TRMT11: variants seen among roughly 807,000 people sequenced by gnomAD.
The protein encoded by TRMT11 is tRNA (guanine(10)-N(2))-methyltransferase TRMT11.
TRMT11 carries 53 observed loss-of-function variants against 62.8 expected under a neutral mutation model. The ratio of observed to expected loss-of-function variants is 0.84; its 90% CI spans 0.68 to 1.06. The LOEUF (loss-of-function observed/expected upper bound fraction) is 1.06, where lower values mean the gene tolerates loss of function less well. Among genes scored for constraint, TRMT11 ranks in the 50% least tolerant of loss-of-function variants. The pLI, the probability that TRMT11 is intolerant of heterozygous loss-of-function variation, is 0.00. For missense variants in TRMT11, 556 were observed against 553.4 expected (o/e 1.00, Z -0.05); for synonymous variants, 188 against 190.3 (o/e 0.99, Z 0.10).
At chr6:126,012,882 T>C in intron 10 of TRMT11, 30 bp downstream of exon 10, 1 of 1,608,826 alleles carries the variant, frequency 6.2e-7, no homozygotes. Context: ...GATGTGTTAC[T>C]ACCTTGAGAA....
chr6:126,085,793 C>G (rs1371047933), intron 17 of TRMT11, among the ~76,000 whole-genome samples: 2 of 152,190 alleles, frequency 1.3e-5, no homozygotes, highest in Non-Finnish European at 2.9e-5. Flanking sequence ...TCCAAACACT[C>G]TGTACATCAG....
chr6:125,986,568 C>A lies in TRMT11; in HGVS notation c.18C>A (p.Thr6=), dbSNP rs941534503. The change falls in exon 1 of 13, where the codon ACC becomes ACA. Residue 6 remains threonine, a synonymous_variant. Coordinates refer to ENST00000334379, the MANE Select transcript of TRMT11 (RefSeq NM_001031712.3). MALSC[T]LNRYLLLMAQ... ...CAGCTGCAATGGCGCTGTCGTGTAC[C>A]CTTAACAGGTATCTGCTCCTCATGG... 6 of 1,592,236 alleles carry A rather than the reference C, an allele frequency of 3.8e-6. No homozygotes were observed. Among genetic ancestry groups the A allele is most frequent in the Non-Finnish European group, 5.1e-6 (6 of 1,171,626 alleles).
intron 17 of TRMT11, among the ~76,000 whole-genome samples, chr6:126,085,640 A>C (rs1244493798): frequency 6.6e-6 from 1 of 152,206 alleles, no homozygotes; most frequent in Non-Finnish European, 1.5e-5. Flanking sequence ...TTCAACAGTC[A>C]GTTGACATCC....
chr6:126,178,687 G>A (rs929570451), intron 1 of TRMT11, among the ~76,000 whole-genome samples: 1 of 152,144 alleles, frequency 6.6e-6, no homozygotes, highest in African/African-American at 2.4e-5. Context: ...TAGAAAAACT[G>A]AGAAAACCAG....
intron 21 of TRMT11, among the ~76,000 whole-genome samples, chr6:126,148,020 C>T (rs1777993824): frequency 6.6e-6 from 1 of 151,990 alleles, no homozygotes; most frequent in African/African-American, 2.4e-5. Flanking sequence ...ATGTTCTGCA[C>T]ATGTACCCCA....
At chr6:126,199,893 G>A (rs1345269653) in exon 3 of TRMT11, 3 of 152,212 alleles carry the variant, frequency 2.0e-5, no homozygotes, top group Non-Finnish European at 4.4e-5. Flanking sequence ...GATACACCTT[G>A]GAACCAGGTA....
chr6:126,139,460 C>T (rs758352723), intron 21 of TRMT11, among the ~76,000 whole-genome samples: 17 of 152,064 alleles, frequency 1.1e-4, no homozygotes, highest in African/African-American at 2.2e-4. Flanking sequence ...TCTCTGCCTC[C>T]TGGGTTCAAG....
At chr6:126,233,013 C>G in the TRMT11 span, among the ~76,000 whole-genome samples, 1 of 151,960 alleles carries the variant, frequency 6.6e-6, no homozygotes, top group Non-Finnish European at 1.5e-5. Context: ...CTCTTCTTTC[C>G]TTTGTAATTG....
In TRMT11 at chr6:126,151,842, C is replaced by CTTTCTTTCTTTG. The variant is rs1554242243; in HGVS notation, c.*1824-22972_*1824-22971insGTTTCTTTCTTT. Among the ~76,000 whole-genome samples, 20 of 130,280 alleles carry CTTTCTTTCTTTG rather than the reference C, an allele frequency of 1.5e-4. No individual in the cohort carries two copies. In the East Asian group the frequency reaches 4.3e-3, roughly 28 times the overall value. 85.5% of individuals were successfully genotyped at this position (130,280 alleles called of 152,430 possible). On this transcript the variant is annotated intron_variant and NMD_transcript_variant, in intron 21 of 22. Coordinates refer to the TRMT11 transcript ENST00000648977. ...TCTTTCTTTCTTTCTTTCTTTCTTTCTTTCTTTCTTTCTTTCTTTCTTTCC... is the reference window on the plus strand; with the variant it reads ...TCTTTCTTTCTTTCTTTCTTTCTTTCTTTCTTTCTTTGTTTCTTTCTTTCTTTCTTTCTTTCC...
the TRMT11 span, among the ~76,000 whole-genome samples, chr6:126,245,884 G>A: frequency 6.6e-6 from 1 of 152,088 alleles, no homozygotes; most frequent in Non-Finnish European, 1.5e-5. Flanking sequence ...AATCACTTGA[G>A]CCTAGGAGTT....
chr6:126,124,074 C>G (rs576835465), intron 21 of TRMT11, among the ~76,000 whole-genome samples: 1 of 152,032 alleles, frequency 6.6e-6, no homozygotes, highest in African/African-American at 2.4e-5. Flanking sequence ...GATTGTGGCT[C>G]ATGCATTTTT....
chr6:126,021,166 TGAAG>T lies in TRMT11; in HGVS notation c.1147_1150del (p.Glu383ArgfsTer27). 1 of 1,614,100 alleles carries T rather than the reference TGAAG, an allele frequency of 6.2e-7. No homozygotes were observed. The highest frequency in any genetic ancestry group is 8.5e-7 in the Non-Finnish European group (1 of 1,179,968). On this transcript the variant is annotated frameshift_variant, in exon 12 of 13. Coordinates refer to ENST00000334379, the MANE Select transcript of TRMT11 (RefSeq NM_001031712.3). LOFTEE classifies it high-confidence loss of function. ...TCAGCTGTTCTTTCTTCAGATACAC[TGAAG>T]AGATGGTGCCTTGGCACCCTTGCCT...
At chr6:126,168,266 T>C (rs951666219) in intron 21 of TRMT11, among the ~76,000 whole-genome samples, 1 of 152,160 alleles carries the variant, frequency 6.6e-6, no homozygotes, top group Non-Finnish European at 1.5e-5. Flanking sequence ...CTTTATGGTT[T>C]CTCCAACAGT....
chr6:126,163,927 C>T lies in TRMT11; in HGVS notation c.*1824-10898C>T, dbSNP rs182002948. 5.9e-5 allele frequency among the ~76,000 whole-genome samples: 9 copies of T among 152,258 alleles called. No individual in the cohort carries two copies. In the East Asian group the frequency reaches 1.7e-3, roughly 29 times the overall value. ...TGTTAATCTTTTCAAAAAGCCTGCTCCTGGATTCATTGATTTTTCGAAGGG... is the reference window on the plus strand; with the variant it reads ...TGTTAATCTTTTCAAAAAGCCTGCTTCTGGATTCATTGATTTTTCGAAGGG... On this transcript the variant is annotated intron_variant and NMD_transcript_variant, in intron 21 of 22. Coordinates refer to the TRMT11 transcript ENST00000648977.
the TRMT11 span, among the ~76,000 whole-genome samples, chr6:126,212,789 C>T: frequency 6.6e-6 from 1 of 152,064 alleles, no homozygotes; most frequent in African/African-American, 2.4e-5. Context: ...CTGAGGTCAT[C>T]TCATTTGTCC....
At chr6:126,009,683 A>G (rs920164871) in intron 8 of TRMT11, among the ~76,000 whole-genome samples, 2 of 152,032 alleles carry the variant, frequency 1.3e-5, no homozygotes, top group Non-Finnish European at 2.9e-5. Context: ...TAGGAAAATG[A>G]GTTATAATTT....
intron 1 of TRMT11, among the ~76,000 whole-genome samples, chr6:125,992,113 T>A (rs558941036): frequency 6.6e-6 from 1 of 152,342 alleles, no homozygotes; most frequent in South Asian, 2.1e-4. Flanking sequence ...TCCAAGTAGA[T>A]TGATGAAGTG....
At chr6:126,110,421 AG>A (rs1353595473) in intron 17 of TRMT11, among the ~76,000 whole-genome samples, 3 of 152,164 alleles carry the variant, frequency 2.0e-5, no homozygotes, top group African/African-American at 7.2e-5. Flanking sequence ...GTATTCAAAA[AG>A]AAATGTACCA....
chr6:126,125,138 A>G (rs898987019), intron 21 of TRMT11, among the ~76,000 whole-genome samples: 1 of 152,074 alleles, frequency 6.6e-6, no homozygotes, highest in African/African-American at 2.4e-5. Context: ...TGCAGGCGCC[A>G]GGTTTTGACC....
Sources: allele counts gnomAD v4.1 joint callset (sites outside exome capture counted in the v4.1 genomes callset), GRCh38; gene constraint gnomAD v4.1.1; transcripts MANE v1.5; gene names NCBI Gene and HGNC (gene_info 2026-07-23, HGNC 2026-07-21).